The following RASEF variants were observed in gnomAD, a reference collection of about 807,000 sequenced individuals.
The protein encoded by RASEF is RAS and EF-hand domain containing.
A neutral mutation model predicts 90.1 loss-of-function variants in RASEF; 68 were observed. The ratio of observed to expected loss-of-function variants is 0.75; its 90% CI spans 0.62 to 0.92. RASEF has a LOEUF of 0.92. RASEF is among the 40% of genes least tolerant of loss of function. The pLI, the probability that RASEF is intolerant of heterozygous loss-of-function variation, is 0.00. For missense variants in RASEF, 949 were observed against 937.2 expected (o/e 1.01, Z -0.16); for synonymous variants, 331 against 345.2 (o/e 0.96, Z 0.46).
chr9:83,055,816 G>A (rs1830092783), intron 1 of RASEF: 9 of 602,760 alleles, frequency 1.5e-5, no homozygotes, highest in South Asian at 1.4e-4. Flanking sequence ...TATATGTAAG[G>A]ACCCCGAAGG....
chr9:83,117,290 G>C, the RASEF span, among the ~76,000 whole-genome samples: 1 of 152,190 alleles, frequency 6.6e-6, no homozygotes, highest in Admixed American at 6.5e-5. Context: ...GAGGTACAAT[G>C]GGGACAAAGT....
intron 16 of RASEF, among the ~76,000 whole-genome samples, chr9:82,989,559 G>A (rs1439787375): frequency 6.6e-6 from 1 of 152,090 alleles, no homozygotes; most frequent in African/African-American, 2.4e-5. Flanking sequence ...ATATTGCAAA[G>A]TATTTTAACT....
intron 1 of RASEF, among the ~76,000 whole-genome samples, chr9:83,035,860 G>T (rs141939136): frequency 4.4e-3 from 677 of 152,182 alleles, no homozygotes; most frequent in Middle Eastern, 0.014. Flanking sequence ...GTTTATGTTC[G>T]TTGTCCTGTA....
At chr9:82,988,468 T>A (rs1828752221) in intron 16 of RASEF, among the ~76,000 whole-genome samples, 2 of 152,216 alleles carry the variant, frequency 1.3e-5, no homozygotes, top group Admixed American at 6.5e-5. Context: ...TTTTTTCTTT[T>A]AAAAGATGAA....
chr9:83,043,399 G>GA (rs75614253), intron 1 of RASEF, among the ~76,000 whole-genome samples: 1 of 142,956 alleles, frequency 7.0e-6, no homozygotes. Flanking sequence ...GCAGTGATTG[G>GA]GGGGGGGGAC....
At chr9:83,048,207 T>C in intron 1 of RASEF, 1 of 985,374 alleles carries the variant, frequency 1.0e-6, no homozygotes, top group South Asian at 4.7e-5. Context: ...TTGGAGGTCA[T>C]CTGACAGGGA....
At chr9:83,137,851 G>A in the RASEF span, among the ~76,000 whole-genome samples, 3 of 151,514 alleles carry the variant, frequency 2.0e-5, no homozygotes, top group East Asian at 5.8e-4. Context: ...GGAGGTAAAA[G>A]GAAGGGAGAG....
intron 1 of RASEF, among the ~76,000 whole-genome samples, chr9:83,042,702 G>C (rs1431572594): frequency 7.0e-6 from 1 of 143,026 alleles, no homozygotes; most frequent in Admixed American, 6.8e-5. Flanking sequence ...TCAGGTATCT[G>C]ACTAAGAAGA....
At chr9:83,175,193 A>G in the RASEF span, among the ~76,000 whole-genome samples, 1 of 152,160 alleles carries the variant, frequency 6.6e-6, no homozygotes, top group Non-Finnish European at 1.5e-5. Context: ...CTTCTTTCCT[A>G]GGGGAAACAC....
intron 3 of RASEF, among the ~76,000 whole-genome samples, chr9:83,021,345 G>C (rs1197194536): frequency 2.6e-5 from 4 of 152,160 alleles, no homozygotes; most frequent in African/African-American, 9.7e-5. Context: ...CCAATGTTCA[G>C]GCCACTTGTA....
At chr9:83,097,888 C>G in the RASEF span, among the ~76,000 whole-genome samples, 2 of 152,258 alleles carry the variant, frequency 1.3e-5, no homozygotes, top group African/African-American at 2.4e-5. Flanking sequence ...TGAGAAGTGC[C>G]TAAGTATGCC....
At chr9:82,987,220 G>A (rs988537110) in intron 16 of RASEF, among the ~76,000 whole-genome samples, 4 of 151,522 alleles carry the variant, frequency 2.6e-5, no homozygotes, top group African/African-American at 9.7e-5. Context: ...CCAATCCGAA[G>A]GCTAAGTATA....
At chr9:83,066,056 G>C (rs997379819), upstream of RASEF, among the ~76,000 whole-genome samples, 7 of 152,232 alleles carry the variant, frequency 4.6e-5, no homozygotes, top group African/African-American at 1.4e-4. Flanking sequence ...GAGAACTAAA[G>C]GTAAACTCTT....
chr9:82,996,985 TTC>T (rs1203596498), intron 14 of RASEF, 25 bp downstream of exon 14: 8 of 1,333,342 alleles, frequency 6.0e-6, no homozygotes, highest in Middle Eastern at 1.8e-4. Flanking sequence ...TCGTGTAATT[TTC>T]TGTTTCTCCA....
At chr9:83,086,410 C>G in the RASEF span, among the ~76,000 whole-genome samples, 1 of 152,106 alleles carries the variant, frequency 6.6e-6, no homozygotes, top group East Asian at 1.9e-4. Context: ...TTCAGCAAGC[C>G]AGAATATTTA....
chr9:83,167,383 T>G, the RASEF span, among the ~76,000 whole-genome samples: 1 of 151,268 alleles, frequency 6.6e-6, no homozygotes, highest in Non-Finnish European at 1.5e-5. Flanking sequence ...TTTTTTCAAC[T>G]TGATCTAGCA....
intron 1 of RASEF, chr9:83,055,647 G>C (rs747266979): frequency 2.8e-6 from 2 of 717,886 alleles, no homozygotes; most frequent in Admixed American, 4.0e-5. Flanking sequence ...GATGCCTCAC[G>C]AACACAAATG....
chr9:83,175,172 T>A, the RASEF span, among the ~76,000 whole-genome samples: 1 of 152,200 alleles, frequency 6.6e-6, no homozygotes, highest in Non-Finnish European at 1.5e-5. Context: ...AGATCAGACA[T>A]CCTTGTCTTG....
chr9:83,140,153 G>T, the RASEF span, among the ~76,000 whole-genome samples: 11 of 152,174 alleles, frequency 7.2e-5, no homozygotes, highest in African/African-American at 2.4e-4. Flanking sequence ...CTTTTCTGAA[G>T]GAATTCTCCC....
Sources: allele counts gnomAD v4.1 joint callset (sites outside exome capture counted in the v4.1 genomes callset), GRCh38; gene constraint gnomAD v4.1.1; transcripts MANE v1.5; gene names NCBI Gene and HGNC (gene_info 2026-07-23, HGNC 2026-07-21).